The following RBM19 variants were observed in gnomAD, a reference collection of about 807,000 sequenced individuals.
RBM19 encodes the protein probable RNA-binding protein 19.
In RBM19, 94 loss-of-function variants were observed where a neutral mutation model predicts 116.8. That is an observed-to-expected ratio of 0.80 (90% CI 0.68 to 0.95). RBM19 has a LOEUF of 0.95. Ranked by LOEUF, RBM19 falls within the 40% of genes least tolerant of loss-of-function variation. The probability of loss-of-function intolerance (pLI) is 0.00; values close to 1 mark genes in which losing one functional copy is unlikely to be tolerated. For missense variants in RBM19, 1,161 were observed against 1,220.7 expected (o/e 0.95, Z 0.73); for synonymous variants, 475 against 494.1 (o/e 0.96, Z 0.51).
Position 113,861,474 on chromosome 12 carries a change from CTGTGTGTGTGTG to C in RBM19, c.2559-2590_2559-2579del, listed in dbSNP as rs57704604. 8.5e-4 allele frequency among the ~76,000 whole-genome samples: 108 copies of C among 126,508 alleles called. 2 individuals carry two copies. The East Asian group carries it at 9.3e-3, about 11-fold the overall frequency. The allele number at this position is 126,508 out of a possible 152,430, so 83.0% of individuals were successfully genotyped here. ...GCCCAGATTTCTGGTAAGCCAGACT[CTGTGTGTGTGTG>C]TGTGTGTGTGTGTGTGTGTGTGTGT... On this transcript the variant is annotated intron_variant, in intron 21 of 23. Transcript: ENST00000261741.
At chr12:113,907,798 G>T (rs893677990) in intron 21 of RBM19, among the ~76,000 whole-genome samples, 1 of 152,166 alleles carries the variant, frequency 6.6e-6, no homozygotes, top group Non-Finnish European at 1.5e-5. Context: ...ACTTTTCCCA[G>T]CCAGGGCCAG....
At chr12:113,891,136 G>A (rs898808253) in intron 21 of RBM19, among the ~76,000 whole-genome samples, 1 of 152,000 alleles carries the variant, frequency 6.6e-6, no homozygotes, top group Non-Finnish European at 1.5e-5. Flanking sequence ...CAACCCATGG[G>A]GCTATTTCCT....
At chr12:113,933,916 G>A in intron 16 of RBM19, among the ~76,000 whole-genome samples, 1 of 152,172 alleles carries the variant, frequency 6.6e-6, no homozygotes, top group Non-Finnish European at 1.5e-5. Context: ...GGTGCCCATG[G>A]TGAGTTAAAG....
chr12:113,945,957 C>A (rs548538470), intron 12 of RBM19, 33 bp from the exon 13 acceptor site: 1 of 1,511,200 alleles, frequency 6.6e-7, no homozygotes, highest in African/African-American at 1.4e-5. Context: ...GGAGATCAGA[C>A]CGCAGCTGGA....
At chr12:113,849,540 A>ACAAATAATC (rs1877283435) in intron 22 of RBM19, among the ~76,000 whole-genome samples, 2 of 152,230 alleles carry the variant, frequency 1.3e-5, no homozygotes, top group Non-Finnish European at 2.9e-5. Context: ...CGAGTGGGAC[A>ACAAATAATC]TTTGGCCTTT....
intron 21 of RBM19, among the ~76,000 whole-genome samples, chr12:113,895,898 G>A (rs1881287659): frequency 6.6e-6 from 1 of 150,486 alleles, no homozygotes; most frequent in Admixed American, 6.6e-5. Flanking sequence ...TTTTATATAT[G>A]TGTATATATA....
chr12:113,926,927 T>C (rs1869130469), intron 17 of RBM19, 127 bp downstream of exon 17: 3 of 1,096,664 alleles, frequency 2.7e-6, no homozygotes, highest in African/African-American at 3.2e-5. Context: ...TAGGTGGTGC[T>C]GGTTATTGCT....
intron 21 of RBM19, among the ~76,000 whole-genome samples, chr12:113,869,474 C>A (rs1879062901): frequency 6.6e-6 from 1 of 152,210 alleles, no homozygotes; most frequent in African/African-American, 2.4e-5. Context: ...TTCCACCCCT[C>A]TGCCTGAGTG....
At chr12:113,854,329 GTGGTCCCC>G (rs1356872805) in intron 22 of RBM19, among the ~76,000 whole-genome samples, 20 of 152,098 alleles carry the variant, frequency 1.3e-4, no homozygotes, top group African/African-American at 4.6e-4. Context: ...TCCAGGTCGT[GTGGTCCCC>G]TGGTTGCATG....
chr12:113,850,320 G>A (rs1357302532), intron 22 of RBM19, among the ~76,000 whole-genome samples: 1 of 152,216 alleles, frequency 6.6e-6, no homozygotes, highest in Admixed American at 6.5e-5. Context: ...AAAGCTCTGA[G>A]CAGGTCTAGC....
chr12:113,931,159 T>TACAATTA, intron 16 of RBM19, among the ~76,000 whole-genome samples: 1 of 152,246 alleles, frequency 6.6e-6, no homozygotes, highest in East Asian at 1.9e-4. Flanking sequence ...AATTGTAAAT[T>TACAATTA]AATGTGAGTA....
intron 21 of RBM19, among the ~76,000 whole-genome samples, chr12:113,866,912 CA>C (rs924653374): frequency 6.6e-6 from 1 of 152,186 alleles, no homozygotes; most frequent in African/African-American, 2.4e-5. Context: ...ACCGTGTTGC[CA>C]AAAACAACAG....
At chr12:113,867,870 A>T (rs990262952) in intron 21 of RBM19, among the ~76,000 whole-genome samples, 2 of 152,234 alleles carry the variant, frequency 1.3e-5, no homozygotes, top group Non-Finnish European at 2.9e-5. Context: ...TGGAGATTAC[A>T]GAGAGCCGAG....
intron 21 of RBM19, among the ~76,000 whole-genome samples, chr12:113,908,006 C>T (rs574601059): frequency 2.8e-4 from 43 of 152,218 alleles, no homozygotes; most frequent in African/African-American, 1.0e-3. Context: ...GAGGAGACGA[C>T]CTGTGCAGAG....
At position 113,936,902 on chromosome 12, in the gene RBM19, G is replaced by T. The variant is rs1870119649; in HGVS notation, c.2068+105C>A. 6.3e-6 allele frequency: 9 copies of T among 1,434,996 alleles called. No homozygotes were observed. The Admixed American group carries it at 2.0e-4, about 32-fold the overall frequency. 88.9% of individuals were successfully genotyped at this position (1,434,996 alleles called of 1,614,324 possible). A position where few individuals can be genotyped will look rare whatever the true frequency, so the allele number is the denominator to read the frequency against. On this transcript the variant is annotated intron_variant, in intron 16 of 23. Transcript: ENST00000261741. ...CCTGCTGGTCTCTAGCATGAACAAA[G>T]AGCTTTAAACCAGAGGCTTGATAAG...
At chr12:113,820,153 G>A (rs1457156108), downstream of RBM19, among the ~76,000 whole-genome samples, 1 of 151,430 alleles carries the variant, frequency 6.6e-6, no homozygotes, top group Non-Finnish European at 1.5e-5. Context: ...GTTAAACCGG[G>A]GCATCCAAAC....
intron 22 of RBM19, among the ~76,000 whole-genome samples, chr12:113,849,863 C>T (rs574431642): frequency 6.6e-6 from 1 of 152,350 alleles, no homozygotes; most frequent in African/African-American, 2.4e-5. Flanking sequence ...CAACTCTGCA[C>T]AGTGTGACCA....
At chr12:113,837,580 G>A (rs1013181748) in intron 23 of RBM19, among the ~76,000 whole-genome samples, 7 of 152,188 alleles carry the variant, frequency 4.6e-5, no homozygotes, top group Admixed American at 6.5e-5. Flanking sequence ...TACCAATGAC[G>A]GAGCTGAGGC....
intron 15 of RBM19, among the ~76,000 whole-genome samples, chr12:113,938,035 G>T (rs1870228135): frequency 1.3e-5 from 2 of 152,150 alleles, no homozygotes; most frequent in South Asian, 4.1e-4. Context: ...TCGTGGGTCA[G>T]GGCACCTCTC....
Sources: allele counts gnomAD v4.1 joint callset (sites outside exome capture counted in the v4.1 genomes callset), GRCh38; gene constraint gnomAD v4.1.1; transcripts MANE v1.5; gene names NCBI Gene and HGNC (gene_info 2026-07-23, HGNC 2026-07-21).